KIF26B: variants seen among roughly 807,000 people sequenced by gnomAD.
KIF26B encodes the protein kinesin-like protein KIF26B.
Under a neutral mutation model 151.2 loss-of-function variants are expected in KIF26B, and 63 were observed. The ratio of observed to expected loss-of-function variants is 0.42; its 90% CI spans 0.34 to 0.51. KIF26B has a LOEUF of 0.51. Ranked by LOEUF, KIF26B falls within the 20% of genes least tolerant of loss-of-function variation. The pLI is 0.07. For synonymous variants in KIF26B, 1,357 were observed against 1,262.1 expected (o/e 1.08, Z -1.59); for missense variants, 2,813 against 2,913.6 (o/e 0.97, Z 0.79).
intron 5 of KIF26B, 100 bp downstream of exon 5, chr1:245,541,050 C>A: frequency 3.0e-6 from 3 of 991,804 alleles, no homozygotes; most frequent in African/African-American, 1.6e-5. Context: ...TAAAATAAGA[C>A]GTTGCCAGGG....
At chr1:245,281,553 G>A (rs1671053320) in intron 2 of KIF26B, among the ~76,000 whole-genome samples, 2 of 124,762 alleles carry the variant, frequency 1.6e-5, no homozygotes, top group African/African-American at 3.2e-5. Context: ...CATTTTGTAG[G>A]TTGCCTGTTC....
At chr1:245,615,231 C>G (rs2043575539) in intron 9 of KIF26B, 1 of 152,204 alleles carries the variant, frequency 6.6e-6, no homozygotes, top group Non-Finnish European at 1.5e-5. Flanking sequence ...TAAAGAGTGA[C>G]TCGCAAAACA....
At chr1:245,175,472 G>A (rs1336078997) in intron 2 of KIF26B, among the ~76,000 whole-genome samples, 1 of 152,118 alleles carries the variant, frequency 6.6e-6, no homozygotes, top group Non-Finnish European at 1.5e-5. Context: ...CAGGGAACTT[G>A]GAAGAGGCAA....
intron 9 of KIF26B, among the ~76,000 whole-genome samples, chr1:245,616,225 G>C (rs575778030): frequency 1.3e-5 from 2 of 152,338 alleles, no homozygotes; most frequent in South Asian, 4.1e-4. Flanking sequence ...TTTGCAGATA[G>C]CACTAGGTTA....
intron 10 of KIF26B, among the ~76,000 whole-genome samples, chr1:245,660,731 T>C (rs563741147): frequency 1.3e-5 from 2 of 152,326 alleles, no homozygotes; most frequent in African/African-American, 4.8e-5. Context: ...CGTTGCTCTC[T>C]AAGTACTGCT....
At chr1:245,269,248 G>A (rs1573743827) in intron 2 of KIF26B, among the ~76,000 whole-genome samples, 1 of 46,932 alleles carries the variant, frequency 2.1e-5, no homozygotes, top group South Asian at 7.5e-4. Flanking sequence ...CCCACCGAAC[G>A]GCCCCTCTCC....
rs1011803210 is a variant in KIF26B, at chr1:245,687,356, A to G, written c.4373A>G (p.Glu1458Gly). ...AAAGAGACGGCTCATCCCAATGAAG[A>G]AGGGATGATGAGGTGTGAGACTGCC... Reference protein sequence around the residue: ...VKKETAHPNEEGMMRCETATG... With the variant: ...VKKETAHPNEGGMMRCETATG... Residue 1458 changes from glutamate to glycine, a missense_variant, in exon 12 of 15, where the codon GAA (glutamate) becomes GGA (glycine). Glu to Gly is a moderately conservative substitution (Grantham distance 98). Transcript: ENST00000407071. The surrounding 1 kb of genome is among the most constrained non-coding windows in gnomAD (Gnocchi z 4.9). The G allele has an allele frequency of 1.3e-6, 2 of 1,593,986 alleles. No homozygotes were observed. The highest frequency in any genetic ancestry group is 2.7e-5 in the African/African-American group (2 of 74,498).
At chr1:245,431,255 T>A (rs1157820250) in intron 4 of KIF26B, among the ~76,000 whole-genome samples, 1 of 152,040 alleles carries the variant, frequency 6.6e-6, no homozygotes, top group African/African-American at 2.4e-5. Flanking sequence ...CTTGGCTCAC[T>A]GCAACCTCTG....
intron 2 of KIF26B, among the ~76,000 whole-genome samples, chr1:245,209,260 G>T (rs2103542463): frequency 6.6e-6 from 1 of 152,218 alleles, no homozygotes. Context: ...AATTAGTTGG[G>T]CATGGTGGTG....
intron 4 of KIF26B, among the ~76,000 whole-genome samples, chr1:245,485,550 A>G (rs1031131667): frequency 6.6e-6 from 1 of 151,952 alleles, no homozygotes; most frequent in Non-Finnish European, 1.5e-5. Context: ...CTCCTGGCTA[A>G]CTTTTGTATT....
Position 245,687,092 on chromosome 1 carries a change from T to G in KIF26B, c.4109T>G (p.Val1370Gly). The G allele has an allele frequency of 6.2e-7, 1 of 1,613,284 alleles. No homozygotes were observed. The highest frequency in any genetic ancestry group is 8.5e-7 in the Non-Finnish European group (1 of 1,179,810). Residue 1370 changes from valine to glycine, a missense_variant, in exon 12 of 15, where the codon GTC (valine) becomes GGC (glycine). This residue lies in a region of KIF26B where 2,060 missense variants were observed against 2,088.6 expected (regional missense o/e 0.99). Coordinates refer to ENST00000407071, the MANE Select transcript of KIF26B (RefSeq NM_018012.4). This position sits in a 1 kb window ranked among gnomAD's most constrained non-coding sequence, Gnocchi z 4.9. ...ATATCCACAGTGAGCAAGGCCATGG[T>G]CACCATCTCCAACACGGCCAATCTG... ...CKISTVSKAM[V>G]TISNTANLSS...
intron 2 of KIF26B, among the ~76,000 whole-genome samples, chr1:245,343,105 T>A (rs1163629252): frequency 1.3e-5 from 2 of 150,178 alleles, no homozygotes; most frequent in Non-Finnish European, 1.5e-5. Flanking sequence ...AAAAAAGAAT[T>A]TAGATTAGTG....
intron 2 of KIF26B, among the ~76,000 whole-genome samples, chr1:245,220,519 G>A (rs927587560): frequency 2.0e-5 from 3 of 152,246 alleles, no homozygotes; most frequent in East Asian, 1.9e-4. Context: ...AAGCCTCCGC[G>A]GGGTGAGGTG....
chr1:245,514,499 G>A (rs2103085917), intron 4 of KIF26B, among the ~76,000 whole-genome samples: 1 of 152,148 alleles, frequency 6.6e-6, no homozygotes, highest in East Asian at 1.9e-4. Flanking sequence ...CTGCATTCCA[G>A]CCTGGGCGAC....
intron 5 of KIF26B, among the ~76,000 whole-genome samples, chr1:245,558,572 CAG>C (rs1352896091): frequency 6.6e-6 from 1 of 152,192 alleles, no homozygotes; most frequent in African/African-American, 2.4e-5. Context: ...TTTCTCTGTG[CAG>C]AGTTTGTCCT....
intron 5 of KIF26B, among the ~76,000 whole-genome samples, chr1:245,592,003 C>CAGACCTG (rs1189437209): frequency 2.0e-5 from 3 of 152,162 alleles, no homozygotes; most frequent in Non-Finnish European, 4.4e-5. Context: ...GTGACAGACT[C>CAGACCTG]GTGTTGATGA....
chr1:245,701,028 T>G (rs539968428), intron 14 of KIF26B, among the ~76,000 whole-genome samples: 18 of 152,068 alleles, frequency 1.2e-4, no homozygotes, highest in African/African-American at 4.3e-4. Context: ...ATTATCTTCA[T>G]CTTACAAAGT....
chr1:245,250,357 AT>A (rs1159102192), intron 2 of KIF26B, among the ~76,000 whole-genome samples: 2 of 152,198 alleles, frequency 1.3e-5, no homozygotes, highest in African/African-American at 2.4e-5. Context: ...TTCAAGATTT[AT>A]CTATCCATTT....
intron 4 of KIF26B, among the ~76,000 whole-genome samples, chr1:245,435,130 C>CCCATCCATCCATCCATCCAT (rs34535359): frequency 1.4e-5 from 2 of 145,108 alleles, no homozygotes; most frequent in Non-Finnish European, 3.0e-5. Context: ...TCTCCATCTA[C>CCCATCCATCCATCCATCCAT]CCATCCATCC....
Sources: gnomAD v4.1 joint callset for allele counts (sites outside exome capture counted in the v4.1 genomes callset) on GRCh38, gnomAD v4.1.1 for gene constraint, gnomAD v4.1.1 regional missense constraint, Gnocchi (gnomAD v3.1) non-coding constraint, MANE v1.5 for transcripts, NCBI Gene and HGNC (gene_info 2026-07-23, HGNC 2026-07-21) for gene names.